The following RELCH variants were observed in gnomAD, a reference collection of about 807,000 sequenced individuals.
RELCH encodes the protein RAB11 binding and LisH domain, coiled-coil and HEAT repeat containing.
In RELCH, 41 loss-of-function variants were observed where a neutral mutation model predicts 150.3. That is an observed-to-expected ratio of 0.27 (90% CI 0.21 to 0.35). The LOEUF is 0.35. RELCH is among the 10% of genes least tolerant of loss of function. The pLI is 1.00. For missense variants in RELCH, 1,092 were observed against 1,467.8 expected (o/e 0.74, Z 4.18); for synonymous variants, 478 against 531.8 (o/e 0.90, Z 1.39).
intron 22 of RELCH, among the ~76,000 whole-genome samples, chr18:62,278,687 A>T (rs2044344472): frequency 6.6e-6 from 1 of 152,132 alleles, no homozygotes; most frequent in Non-Finnish European, 1.5e-5. Flanking sequence ...GAAATTGAGA[A>T]GGGGATTGCC....
Position 62,258,072 on chromosome 18 carries a change from C to T in RELCH, c.2021C>T (p.Pro674Leu), listed in dbSNP as rs1335709699. ...LGIIMGYIDD[P>L]DKYHQGFELL... ...ATCATTATGGGATACATTGATGATC[C>T]AGACAAATATCATCAGGTATGTTTT... Residue 674 changes from proline to leucine, a missense_variant, in exon 14 of 29, where the codon CCA becomes CTA. Transcript: ENST00000644646. 1 of 1,599,802 alleles carries T rather than the reference C, an allele frequency of 6.3e-7. No homozygotes were observed. The highest frequency in any genetic ancestry group is 1.1e-5 in the South Asian group (1 of 87,888).
At chr18:62,235,051 T>C (rs1294035467) in intron 10 of RELCH, 1 of 151,978 alleles carries the variant, frequency 6.6e-6, no homozygotes, top group Non-Finnish European at 1.5e-5. Context: ...TATATGTATA[T>C]GAATATATAT....
intron 22 of RELCH, among the ~76,000 whole-genome samples, 189 bp from the exon 23 acceptor site, chr18:62,279,585 T>C (rs1329910496): frequency 6.6e-6 from 1 of 152,242 alleles, no homozygotes. Context: ...TACTTAAGCT[T>C]TATTTTCCTC....
chr18:62,218,169 C>T (rs9959571), intron 2 of RELCH, among the ~76,000 whole-genome samples: 15,251 of 151,564 alleles, frequency 0.1, 909 homozygotes, highest in East Asian at 0.19. Flanking sequence ...GTATTAAAGA[C>T]GGGAAAGTGT....
chr18:62,228,401 G>C lies in RELCH; in HGVS notation c.1251G>C (p.Glu417Asp). ...ATCAGTTGCCCCACAAAGACTCTGAGGACAGTGGACAGCATCCAGATGTAA... is the reference window on the plus strand; with the variant it reads ...ATCAGTTGCCCCACAAAGACTCTGACGACAGTGGACAGCATCCAGATGTAA... Reference protein sequence around the residue: ...PLDQLPHKDSEDSGQHPDVNS... With the variant: ...PLDQLPHKDSDDSGQHPDVNS... The change falls in exon 8 of 29, where the codon GAG becomes GAC. Residue 417 changes from glutamate (E) to aspartate (D), a missense_variant. Coordinates refer to ENST00000644646, the MANE Select transcript of RELCH (RefSeq NM_001346231.2). 1.2e-6 allele frequency: 2 copies of C among 1,613,354 alleles called. No homozygotes were observed. The highest frequency in any genetic ancestry group is 1.7e-6 in the Non-Finnish European group (2 of 1,179,594).
intron 20 of RELCH, among the ~76,000 whole-genome samples, chr18:62,271,867 T>C (rs957653109): frequency 3.9e-5 from 6 of 152,188 alleles, no homozygotes; most frequent in African/African-American, 1.4e-4. Context: ...TTTCTTGTTT[T>C]TGTCAGGTTT....
chr18:62,255,319 A>G (rs2042939675), intron 12 of RELCH, 88 bp from the exon 13 acceptor site: 1 of 918,164 alleles, frequency 1.1e-6, no homozygotes, highest in Non-Finnish European at 1.8e-6. Context: ...TTGCATTCTT[A>G]ACAGGATTTG....
chr18:62,230,447 C>T (rs1169567254), intron 8 of RELCH, among the ~76,000 whole-genome samples: 6 of 152,046 alleles, frequency 3.9e-5, no homozygotes, highest in Non-Finnish European at 7.4e-5. Context: ...TACTGAGCTC[C>T]ATTTTGTGGT....
chr18:62,238,911 TA>T (rs1357501253), intron 10 of RELCH, among the ~76,000 whole-genome samples: 1 of 152,122 alleles, frequency 6.6e-6, no homozygotes. Flanking sequence ...ACCAATTCCC[TA>T]AAAGTTTTTA....
At chr18:62,191,463 G>A (rs985201702) in intron 1 of RELCH, among the ~76,000 whole-genome samples, 3 of 152,094 alleles carry the variant, frequency 2.0e-5, no homozygotes, top group Admixed American at 6.5e-5. Flanking sequence ...TGTGCAGGGT[G>A]TGCAGATTGG....
intron 27 of RELCH, among the ~76,000 whole-genome samples, chr18:62,297,208 G>T (rs193108481): frequency 6.6e-6 from 1 of 152,136 alleles, no homozygotes; most frequent in Admixed American, 6.5e-5. Flanking sequence ...TTAATGATGG[G>T]ACACCTCATT....
chr18:62,191,133 T>A (rs976737909), intron 1 of RELCH, among the ~76,000 whole-genome samples: 1 of 152,212 alleles, frequency 6.6e-6, no homozygotes, highest in Admixed American at 6.5e-5. Context: ...CAGTTTTGTG[T>A]TATTGTAAAG....
chr18:62,305,416 C>A lies in RELCH; in HGVS notation c.3533C>A (p.Ser1178Ter). Residue 1178 changes from serine to a stop codon, truncating the protein, a stop_gained and splice_region_variant, in exon 29 of 29, where the codon TCA becomes TAA. Coordinates refer to ENST00000644646, the MANE Select transcript of RELCH (RefSeq NM_001346231.2). LOFTEE classifies it high-confidence loss of function. The surrounding 1 kb of genome is among the most constrained non-coding windows in gnomAD (Gnocchi z 4.0). ...GAATTTTAAATTTTCTTTCCTAGCT[C>A]AATGTCAATTGCTGCAAGCTTAGTG... ...ENKTVQEPQG[S>*]MSIAASLVSE... 1 of 1,589,722 alleles carries A rather than the reference C, an allele frequency of 6.3e-7. No homozygotes were observed. Among genetic ancestry groups the A allele is most frequent in the South Asian group, 1.2e-5 (1 of 85,222 alleles).
chr18:62,260,714 A>G (rs1429182941), intron 15 of RELCH, among the ~76,000 whole-genome samples: 1 of 152,020 alleles, frequency 6.6e-6, no homozygotes, highest in Non-Finnish European at 1.5e-5. Context: ...TGGTATATAT[A>G]AACAATGGAA....
At chr18:62,293,648 G>A (rs1030811605) in intron 27 of RELCH, among the ~76,000 whole-genome samples, 1 of 152,042 alleles carries the variant, frequency 6.6e-6, no homozygotes, top group Non-Finnish European at 1.5e-5. Flanking sequence ...ATGACTATCA[G>A]TCTTGTTTAA....
intron 10 of RELCH, among the ~76,000 whole-genome samples, chr18:62,242,500 C>T (rs2042197356): frequency 6.6e-6 from 1 of 152,074 alleles, no homozygotes; most frequent in Non-Finnish European, 1.5e-5. Context: ...TCCATTTGTG[C>T]ATTAATCTTA....
intron 27 of RELCH, among the ~76,000 whole-genome samples, chr18:62,294,774 A>T (rs1420992896): frequency 6.6e-6 from 1 of 152,200 alleles, no homozygotes; most frequent in Non-Finnish European, 1.5e-5. Context: ...TATTAATTTT[A>T]CTAGAATTGG....
At chr18:62,245,405 T>C (rs1351932448) in intron 11 of RELCH, among the ~76,000 whole-genome samples, 2 of 152,052 alleles carry the variant, frequency 1.3e-5, no homozygotes, top group African/African-American at 2.4e-5. Context: ...AGGCAGATCA[T>C]CTGAGGTCAG....
intron 22 of RELCH, chr18:62,277,681 A>T: frequency 4.1e-6 from 4 of 976,312 alleles, no homozygotes; most frequent in Non-Finnish European, 4.9e-6. Flanking sequence ...TTCACTAATA[A>T]ATTGAGTTTA....
Sources: gnomAD v4.1 joint callset for allele counts (sites outside exome capture counted in the v4.1 genomes callset) on GRCh38, gnomAD v4.1.1 for gene constraint, Gnocchi (gnomAD v3.1) non-coding constraint, MANE v1.5 for transcripts, NCBI Gene and HGNC (gene_info 2026-07-23, HGNC 2026-07-21) for gene names.